Variants in EXOC6 observed in about 807,000 individuals in gnomAD.
EXOC6 encodes the protein SEC15-like 1.
Under a neutral mutation model 112.5 loss-of-function variants are expected in EXOC6, and 60 were observed. That is an observed-to-expected ratio of 0.53 (90% CI 0.43 to 0.66). The LOEUF (loss-of-function observed/expected upper bound fraction) is 0.66, where lower values mean the gene tolerates loss of function less well. EXOC6 is among the 30% of genes least tolerant of loss of function. The pLI is 0.00. For synonymous variants in EXOC6, 295 were observed against 308.0 expected (o/e 0.96, Z 0.44); for missense variants, 855 against 957.1 (o/e 0.89, Z 1.41).
chr10:92,936,162 G>A (rs573190057), intron 12 of EXOC6, among the ~76,000 whole-genome samples: 2 of 152,198 alleles, frequency 1.3e-5, no homozygotes, highest in African/African-American at 2.4e-5. Context: ...AGAATACAGA[G>A]TATAATGGAA....
chr10:93,011,222 CAA>C (rs796882523), intron 19 of EXOC6, among the ~76,000 whole-genome samples: 16 of 112,564 alleles, frequency 1.4e-4, no homozygotes, highest in Admixed American at 1.8e-4. Flanking sequence ...TTTTTGTGAC[CAA>C]AAAAAAAAAA....
chr10:92,992,917 A>G (rs1843332552), intron 18 of EXOC6, among the ~76,000 whole-genome samples: 1 of 151,722 alleles, frequency 6.6e-6, no homozygotes, highest in South Asian at 2.1e-4. Context: ...TCATTCATTA[A>G]TGAATTAAAA....
intron 19 of EXOC6, among the ~76,000 whole-genome samples, chr10:93,011,654 T>C (rs1844253442): frequency 1.3e-5 from 2 of 152,216 alleles, no homozygotes; most frequent in Non-Finnish European, 2.9e-5. Flanking sequence ...TAATGTATTT[T>C]ACTATGTAAT....
At chr10:92,833,221 G>A (rs1472424708), upstream of EXOC6, among the ~76,000 whole-genome samples, 1 of 152,134 alleles carries the variant, frequency 6.6e-6, no homozygotes, top group Admixed American at 6.5e-5. Context: ...GGTTCAGTTG[G>A]GGCTTGGCTC....
At chr10:92,988,658 C>G (rs575421717) in intron 18 of EXOC6, among the ~76,000 whole-genome samples, 9 of 152,256 alleles carry the variant, frequency 5.9e-5, no homozygotes, top group African/African-American at 2.2e-4. Flanking sequence ...ATCTCAGCCT[C>G]TTTCCACATA....
At chr10:92,923,848 T>G (rs1448491747) in intron 8 of EXOC6, among the ~76,000 whole-genome samples, 2 of 152,142 alleles carry the variant, frequency 1.3e-5, no homozygotes, top group Admixed American at 6.5e-5. Context: ...ACTTTATAAA[T>G]GAAAATCATA....
At chr10:92,990,182 T>G (rs540459925) in intron 18 of EXOC6, among the ~76,000 whole-genome samples, 1 of 152,354 alleles carries the variant, frequency 6.6e-6, no homozygotes, top group Non-Finnish European at 1.5e-5. Flanking sequence ...CACTACTAGA[T>G]GTTAATTTTT....
At position 92,975,546 on chromosome 10, in the gene EXOC6, G is replaced by GC. The variant is rs1446815468; in HGVS notation, c.1953+1318dup. On this transcript the variant is annotated intron_variant, in intron 18 of 21. Coordinates refer to ENST00000260762, the MANE Select transcript of EXOC6 (RefSeq NM_019053.6). The stretch of plus-strand genomic sequence containing the variant: ...AGGTGGGGGGGTCAGCCCCCCAGCC[G>GC]CCCCGTCCGGGACGGAGGTGGGGGG... Among the ~76,000 whole-genome samples the GC allele has an allele frequency of 2.1e-5, 3 of 142,688 alleles. 1 individual carries two copies. The highest frequency in any genetic ancestry group is 8.1e-5 in the African/African-American group (3 of 37,112). 93.6% of individuals were successfully genotyped at this position (142,688 alleles called of 152,430 possible).
chr10:92,899,600 G>T lies in EXOC6; in HGVS notation c.414G>T (p.Val138=). ...VVEKLQLCLP[V]LEMYSKLKEQ... ...AAAATGTTATATTTTTTAATGCAGT[G>T]CTAGAAATGTACAGTAAGCTGAAAG... Residue 138 remains valine (V), a splice_region_variant and synonymous_variant, in exon 5 of 22, where the codon GTG becomes GTT. Coordinates refer to ENST00000260762, the MANE Select transcript of EXOC6 (RefSeq NM_019053.6). The T allele has an allele frequency of 6.3e-7, 1 of 1,599,322 alleles. No individual in the cohort carries two copies. The highest frequency in any genetic ancestry group is 8.5e-7 in the Non-Finnish European group (1 of 1,172,460).
intron 1 of EXOC6, among the ~76,000 whole-genome samples, chr10:92,873,646 A>G (rs1848553488): frequency 6.6e-6 from 1 of 152,182 alleles, no homozygotes; most frequent in African/African-American, 2.4e-5. Flanking sequence ...TATTTTATAA[A>G]GCATTTTACG....
At chr10:92,992,612 G>A (rs1843316983) in intron 18 of EXOC6, among the ~76,000 whole-genome samples, 1 of 151,972 alleles carries the variant, frequency 6.6e-6, no homozygotes, top group Admixed American at 6.6e-5. Flanking sequence ...TAGATTAGTG[G>A]TTCTTATATA....
At chr10:92,854,543 G>A (rs1847507656) in intron 1 of EXOC6, among the ~76,000 whole-genome samples, 1 of 152,142 alleles carries the variant, frequency 6.6e-6, no homozygotes, top group South Asian at 2.1e-4. Flanking sequence ...ATCAGGTTGA[G>A]GAGTTCTCTT....
chr10:93,021,760 C>T (rs1334620374), intron 20 of EXOC6, among the ~76,000 whole-genome samples: 1 of 152,182 alleles, frequency 6.6e-6, no homozygotes, highest in African/African-American at 2.4e-5. Context: ...TTCTCCAATC[C>T]AAAGGACAGC....
chr10:92,884,980 A>T (rs796130075), intron 1 of EXOC6, among the ~76,000 whole-genome samples: 20 of 152,276 alleles, frequency 1.3e-4, no homozygotes, highest in African/African-American at 4.8e-4. Context: ...CAGTTAAGAC[A>T]TTTGATTTGA....
intron 14 of EXOC6, among the ~76,000 whole-genome samples, chr10:92,950,255 T>G (rs1405799235): frequency 6.6e-6 from 1 of 152,164 alleles, no homozygotes; most frequent in African/African-American, 2.4e-5. Context: ...TAATTTTCAA[T>G]TAAAACTATT....
intron 20 of EXOC6, among the ~76,000 whole-genome samples, chr10:93,048,176 A>T (rs1010783463): frequency 2.6e-5 from 4 of 152,080 alleles, no homozygotes; most frequent in Admixed American, 6.6e-5. Flanking sequence ...TGACGAGTTA[A>T]TGGGTGCAGC....
At chr10:92,980,571 C>T (rs2134119721) in intron 18 of EXOC6, among the ~76,000 whole-genome samples, 1 of 152,152 alleles carries the variant, frequency 6.6e-6, no homozygotes, top group East Asian at 1.9e-4. Flanking sequence ...TTGTATTATA[C>T]AGCCACTTGA....
chr10:92,901,782 A>T (rs1850183911), intron 5 of EXOC6: 2 of 144,302 alleles, frequency 1.4e-5, no homozygotes, highest in African/African-American at 2.7e-5. Context: ...TGGATCGCTT[A>T]AGCTCAAGAG....
intron 20 of EXOC6, among the ~76,000 whole-genome samples, chr10:93,048,614 G>C (rs1419386834): frequency 6.6e-6 from 1 of 152,016 alleles, no homozygotes; most frequent in Middle Eastern, 3.4e-3. Context: ...AAAATTAGCT[G>C]GGGTGGTGGC....
Sources: gnomAD v4.1 joint callset for allele counts (sites outside exome capture counted in the v4.1 genomes callset) on GRCh38, gnomAD v4.1.1 for gene constraint, MANE v1.5 for transcripts, NCBI Gene and HGNC (gene_info 2026-07-23, HGNC 2026-07-21) for gene names.